Variants in RANBP2 observed in about 807,000 individuals in gnomAD.
RANBP2 encodes the protein E3 SUMO-protein ligase RanBP2.
A neutral mutation model predicts 303.6 loss-of-function variants in RANBP2; 57 were observed. The ratio of observed to expected loss-of-function variants is 0.19; its 90% CI spans 0.15 to 0.23. The LOEUF is 0.23. Among genes scored for constraint, RANBP2 ranks in the 10% least tolerant of loss-of-function variants. The pLI is 1.00. For synonymous variants in RANBP2, 1,167 were observed against 1,301.5 expected, an observed-to-expected ratio of 0.90 and a Z score of 2.23; for missense variants, 3,138 against 3,780.8, an observed-to-expected ratio of 0.83 and a Z score of 4.46.
At chr2:108,747,524 C>G (rs970879135) in intron 8 of RANBP2, among the ~76,000 whole-genome samples, 11 of 152,336 alleles carry the variant, frequency 7.2e-5, no homozygotes, top group African/African-American at 2.6e-4. Context: ...TATTCCATAG[C>G]TCACTTTTTT....
chr2:109,020,524 C>T, the RANBP2 span, among the ~76,000 whole-genome samples: 784 of 152,274 alleles, frequency 5.1e-3, 3 homozygotes, highest in African/African-American at 0.018. Flanking sequence ...ACTTGGCAGG[C>T]GACCTCTGCC....
At chr2:109,229,154 T>C in the RANBP2 span, among the ~76,000 whole-genome samples, 42 of 152,318 alleles carry the variant, frequency 2.8e-4, no homozygotes, top group African/African-American at 9.6e-4. Flanking sequence ...ACCAGGGATT[T>C]AGGAGCTCTG....
At chr2:109,107,498 C>T in the RANBP2 span, among the ~76,000 whole-genome samples, 118 of 152,286 alleles carry the variant, frequency 7.7e-4, 1 homozygote, top group African/African-American at 2.6e-3. Flanking sequence ...GATGACATGC[C>T]TCTGCCATAT....
the RANBP2 span, among the ~76,000 whole-genome samples, chr2:109,210,288 G>C: frequency 6.6e-6 from 1 of 152,216 alleles, no homozygotes; most frequent in African/African-American, 2.4e-5. Context: ...ATCTGTTTGA[G>C]TCCTTGCTTT....
chr2:109,050,785 T>C, the RANBP2 span, among the ~76,000 whole-genome samples: 2 of 151,998 alleles, frequency 1.3e-5, no homozygotes, highest in African/African-American at 4.8e-5. Flanking sequence ...TTCTTAAATG[T>C]TTTTAAAGAG....
At chr2:109,614,191 C>T in the RANBP2 span, 8 of 1,135,674 alleles carry the variant, frequency 7.0e-6, no homozygotes, top group Non-Finnish European at 6.6e-6. Flanking sequence ...TTGCGGCCCT[C>T]GCGAGGCCGG....
the RANBP2 span, among the ~76,000 whole-genome samples, chr2:108,992,938 G>A: frequency 6.6e-6 from 1 of 151,738 alleles, no homozygotes; most frequent in Non-Finnish European, 1.5e-5. Flanking sequence ...CTCAGCACTG[G>A]CCAGCTAGTT....
chr2:108,831,134 T>C, the RANBP2 span, among the ~76,000 whole-genome samples: 70 of 151,710 alleles, frequency 4.6e-4, no homozygotes, highest in Non-Finnish European at 8.4e-4. Context: ...AAGATCATGC[T>C]GCTTACTGCA....
the RANBP2 span, among the ~76,000 whole-genome samples, chr2:109,598,772 AT>A: frequency 2.6e-5 from 4 of 151,958 alleles, no homozygotes; most frequent in Admixed American, 6.6e-5. Flanking sequence ...CATTTGTTCC[AT>A]TTACCAGGAG....
the RANBP2 span, among the ~76,000 whole-genome samples, chr2:108,980,847 C>T: frequency 1.3e-5 from 2 of 152,166 alleles, no homozygotes; most frequent in Non-Finnish European, 2.9e-5. Flanking sequence ...TGGGGGCTGG[C>T]AGAGCCTGCT....
At chr2:109,021,524 GAAAAA>G in the RANBP2 span, among the ~76,000 whole-genome samples, 3 of 120,134 alleles carry the variant, frequency 2.5e-5, no homozygotes, top group South Asian at 5.9e-4. Context: ...CTCCGTCTCA[GAAAAA>G]AAAAAAAAAA....
chr2:109,332,672 G>T, the RANBP2 span, among the ~76,000 whole-genome samples: 1 of 152,178 alleles, frequency 6.6e-6, no homozygotes, highest in Admixed American at 6.5e-5. Flanking sequence ...AGGAAAGGAT[G>T]GGGCGATGAG....
chr2:109,258,779 C>T, the RANBP2 span, among the ~76,000 whole-genome samples: 2 of 152,226 alleles, frequency 1.3e-5, no homozygotes, highest in Admixed American at 1.3e-4. Context: ...CTGCTGTTGT[C>T]CTTCCTAATA....
chr2:109,613,053 T>C, the RANBP2 span: 1 of 556,196 alleles, frequency 1.8e-6, no homozygotes, highest in Non-Finnish European at 3.1e-6. Flanking sequence ...AAAGGGAGAA[T>C]TTGTTTTTAA....
the RANBP2 span, among the ~76,000 whole-genome samples, chr2:109,466,118 C>T: frequency 7.3e-5 from 9 of 123,978 alleles, no homozygotes; most frequent in Non-Finnish European, 1.3e-4. Context: ...CTCGCTCCGT[C>T]GCCCAGGCTG....
chr2:109,046,043 A>G, the RANBP2 span, among the ~76,000 whole-genome samples: 13 of 152,086 alleles, frequency 8.5e-5, no homozygotes, highest in Non-Finnish European at 1.3e-4. Flanking sequence ...GGTGTCTCAC[A>G]CCTGTAATCC....
chr2:108,985,095 G>T, the RANBP2 span, among the ~76,000 whole-genome samples: 17 of 152,148 alleles, frequency 1.1e-4, no homozygotes. Flanking sequence ...CAGGATTAAG[G>T]TGTTGTTGGC....
At chr2:109,494,123 C>T in the RANBP2 span, among the ~76,000 whole-genome samples, 1 of 152,174 alleles carries the variant, frequency 6.6e-6, no homozygotes, top group Non-Finnish European at 1.5e-5. Flanking sequence ...TCCCCAGACC[C>T]CTCAACTTTA....
chr2:109,186,409 C>A, the RANBP2 span, among the ~76,000 whole-genome samples: 2 of 152,204 alleles, frequency 1.3e-5, no homozygotes, highest in Admixed American at 1.3e-4. Flanking sequence ...AGCCTCGATA[C>A]GAACCTGGGG....
Sources: allele counts gnomAD v4.1 joint callset (sites outside exome capture counted in the v4.1 genomes callset), GRCh38; gene constraint gnomAD v4.1.1; transcripts MANE v1.5; gene names NCBI Gene and HGNC (gene_info 2026-07-23, HGNC 2026-07-21).